Variants in DHX9 observed in about 807,000 individuals in gnomAD.
DHX9 encodes DExH-box helicase 9.
In DHX9, 27 loss-of-function variants were observed where a neutral mutation model predicts 148.7. The ratio of observed to expected loss-of-function variants is 0.18; its 90% confidence interval spans 0.13 to 0.25. The LOEUF is 0.25. DHX9 is among the 10% of genes least tolerant of loss of function. The pLI is 1.00. For synonymous variants in DHX9, 529 were observed against 516.6 expected (o/e 1.02, Z -0.33); for missense variants, 796 against 1,559.6 (o/e 0.51, Z 8.25).
intron 3 of DHX9, among the ~76,000 whole-genome samples, chr1:182,846,685 T>C (rs1668036091): frequency 1.3e-5 from 2 of 152,368 alleles, no homozygotes; most frequent in African/African-American, 4.8e-5. Flanking sequence ...TTTAGTATTT[T>C]GTGTTGTGAC....
chr1:182,876,797 A>G (rs1331584652), intron 18 of DHX9, 33 bp from the exon 19 acceptor site: 3 of 1,516,448 alleles, frequency 2.0e-6, no homozygotes, highest in African/African-American at 1.4e-5. Flanking sequence ...TAATAAGAAT[A>G]TTTTCTGGAG....
chr1:182,883,037 G>A, intron 24 of DHX9, 102 bp from the exon 25 acceptor site: 1 of 778,794 alleles, frequency 1.3e-6, no homozygotes, highest in Non-Finnish European at 2.2e-6. Context: ...TGTGAAAAGA[G>A]TGAGGAAGAG....
chr1:182,859,652 G>T (rs1427887492), intron 11 of DHX9, among the ~76,000 whole-genome samples: 2 of 151,852 alleles, frequency 1.3e-5, no homozygotes, highest in Non-Finnish European at 2.9e-5. Flanking sequence ...TCGCTTAGTT[G>T]CCCAGGCTGG....
chr1:182,849,726 T>G (rs1668097082), intron 3 of DHX9, among the ~76,000 whole-genome samples: 1 of 152,212 alleles, frequency 6.6e-6, no homozygotes, highest in Admixed American at 6.5e-5. Flanking sequence ...AAATTATGAG[T>G]GAAGTCAAAC....
At chr1:182,860,828 G>C (rs1158196395) in intron 12 of DHX9, among the ~76,000 whole-genome samples, 1 of 152,226 alleles carries the variant, frequency 6.6e-6, no homozygotes, top group Non-Finnish European at 1.5e-5. Context: ...GGGAAGAACT[G>C]ATTAGCTCTT....
At chr1:182,857,954 G>A in intron 7 of DHX9, 150 bp from the exon 8 acceptor site, 1 of 707,266 alleles carries the variant, frequency 1.4e-6, no homozygotes, top group Non-Finnish European at 2.2e-6. Context: ...TTGTTTAGCA[G>A]ATATTAATAG....
intron 27 of DHX9, among the ~76,000 whole-genome samples, chr1:182,885,047 TAGA>T (rs1649262248): frequency 1.3e-5 from 2 of 152,174 alleles, no homozygotes; most frequent in African/African-American, 4.8e-5. Flanking sequence ...TTGGTAGTGT[TAGA>T]AGGAACTTAC....
rs1649248470 is a variant in DHX9 at position 182,884,813 on chromosome 1, G to A, written c.3461G>A (p.Arg1154Gln). 6.2e-7 allele frequency: 1 copy of A among 1,613,954 alleles called. No homozygotes were observed. Among genetic ancestry groups the A allele is most frequent in the Non-Finnish European group, 8.5e-7 (1 of 1,179,912 alleles). The change falls in exon 27 of 28, where the codon CGG (arginine) becomes CAG (glutamine). Residue 1154 changes from arginine to glutamine, a missense_variant and splice_region_variant. This residue lies in a region of DHX9 where 86 missense variants were observed against 156.3 expected (regional missense o/e 0.55). Coordinates refer to ENST00000367549, the MANE Select transcript of DHX9 (RefSeq NM_001357.5). ...ATCAACCTTATGATTGGCAGTACAC[G>A]GTGAGTACCAATATACTTCTTACTG... ...AGINLMIGST[R>Q]YGDGPRPPKM... is the part of the protein sequence containing the mutation.
At chr1:182,886,038 T>G in intron 27 of DHX9, among the ~76,000 whole-genome samples, 1 of 152,266 alleles carries the variant, frequency 6.6e-6, no homozygotes, top group Admixed American at 6.5e-5. Context: ...TAAATTACAG[T>G]AGTAGAATTG....
At chr1:182,862,287 A>G (rs1005025864) in intron 12 of DHX9, among the ~76,000 whole-genome samples, 11 of 152,180 alleles carry the variant, frequency 7.2e-5, no homozygotes, top group African/African-American at 2.2e-4. Flanking sequence ...GTATAACAGA[A>G]TGAGTAGCTC....
intron 6 of DHX9, among the ~76,000 whole-genome samples, chr1:182,855,164 T>C (rs1668231353): frequency 1.3e-5 from 2 of 152,212 alleles, no homozygotes; most frequent in Admixed American, 1.3e-4. Context: ...GGTGTCAGCC[T>C]TTTTAAAACC....
intron 14 of DHX9, among the ~76,000 whole-genome samples, chr1:182,868,833 C>T (rs184996612): frequency 6.6e-6 from 1 of 152,242 alleles, no homozygotes; most frequent in East Asian, 1.9e-4. Context: ...TAAACATCTT[C>T]AGTTTTGTCA....
chr1:182,860,074 A>G lies in DHX9; in HGVS notation c.1222A>G (p.Ile408Val), dbSNP rs1453857906. ...LEAISQNSVV[I>V]IRGATGCGKT... ...AGCAATCAGCCAAAATTCAGTTGTC[A>G]TTATTAGAGGGGCTACTGGATGTGG... Residue 408 changes from isoleucine to valine, a missense_variant, in exon 12 of 28, where the codon ATT becomes GTT. By Grantham distance (29) the Ile-to-Val change is conservative. Coordinates refer to ENST00000367549, the MANE Select transcript of DHX9 (RefSeq NM_001357.5). 2.5e-6 allele frequency: 4 copies of G among 1,614,126 alleles called. No homozygotes were observed. In the African/African-American group the frequency reaches 4.0e-5, roughly 16 times the overall value.
rs527342458 is a variant in DHX9 at position 182,861,185 on chromosome 1, T to A, written c.1332+1001T>A. On this transcript the variant is annotated intron_variant, in intron 12 of 27. Transcript: ENST00000367549. ...TTGTATATTTTATGTGAGAATTGGGTTTTCTCCTGAAAAAAAAAATTGCTG... is the reference window on the plus strand; with the variant it reads ...TTGTATATTTTATGTGAGAATTGGGATTTCTCCTGAAAAAAAAAATTGCTG... Among the ~76,000 whole-genome samples the A allele has an allele frequency of 1.3e-3, 197 of 152,240 alleles. 1 individual carries two copies. The highest frequency in any genetic ancestry group is 4.6e-3 in the African/African-American group (191 of 41,554).
intron 6 of DHX9, among the ~76,000 whole-genome samples, chr1:182,855,973 AGGCTAAGTTTTTTGTCATCCAG>A (rs1205782338): frequency 6.6e-6 from 1 of 152,244 alleles, no homozygotes; most frequent in East Asian, 1.9e-4. Flanking sequence ...TGATAAAAAT[AGGCTAAGTTTTTTGTCATCCAG>A]GGCTGCTTCC....
Position 182,881,252 on chromosome 1 carries a change from T to C in DHX9, c.2625-12T>C. On this transcript the variant is annotated splice_polypyrimidine_tract_variant and intron_variant, in intron 22 of 27. Transcript: ENST00000367549. ...GATCTAGTCTGGATTTAACTGTCTTTGTGTATTTCAGCGTGGGAGATGCTA... is the reference window on the plus strand; with the variant it reads ...GATCTAGTCTGGATTTAACTGTCTTCGTGTATTTCAGCGTGGGAGATGCTA... 5.0e-6 allele frequency: 8 copies of C among 1,610,196 alleles called. No individual in the cohort carries two copies. Among genetic ancestry groups the C allele is most frequent in the Non-Finnish European group, 6.8e-6 (8 of 1,178,380 alleles).
At chr1:182,857,428 C>A (rs1668273812) in intron 7 of DHX9, among the ~76,000 whole-genome samples, 1 of 152,160 alleles carries the variant, frequency 6.6e-6, no homozygotes, top group South Asian at 2.1e-4. Flanking sequence ...AAACTATAGC[C>A]CTCTGGCCAG....
intron 11 of DHX9, 60 bp from the exon 12 acceptor site, chr1:182,859,933 A>T: frequency 2.0e-6 from 3 of 1,530,098 alleles, no homozygotes; most frequent in South Asian, 2.5e-5. Flanking sequence ...TAAAGGATCA[A>T]GACAGTTGCT....
At chr1:182,877,877 T>C in intron 19 of DHX9, 144 bp from the exon 20 acceptor site, 1 of 921,944 alleles carries the variant, frequency 1.1e-6, no homozygotes, top group African/African-American at 1.7e-5. Flanking sequence ...AGATTGCTGA[T>C]TCTTACTTGT....
Sources: gnomAD v4.1 joint callset for allele counts (sites outside exome capture counted in the v4.1 genomes callset) on GRCh38, gnomAD v4.1.1 for gene constraint, gnomAD v4.1.1 regional missense constraint, MANE v1.5 for transcripts, NCBI Gene and HGNC (gene_info 2026-07-23, HGNC 2026-07-21) for gene names.